Variants in SLC30A9 observed in about 807,000 individuals in gnomAD.
SLC30A9 encodes solute carrier family 30 member 9.
In SLC30A9, 58 loss-of-function variants were observed where a neutral mutation model predicts 87.5. The observed-to-expected ratio is 0.66, with a 90% confidence interval of 0.54 to 0.82. SLC30A9 has a LOEUF of 0.82. Among genes scored for constraint, SLC30A9 ranks in the 40% least tolerant of loss-of-function variants. The probability of loss-of-function intolerance (pLI) is 0.00; values close to 1 mark genes in which losing one functional copy is unlikely to be tolerated. For missense variants in SLC30A9, 557 were observed against 679.1 expected (o/e 0.82, Z 2.00); for synonymous variants, 234 against 233.0 (o/e 1.00, Z -0.04).
intron 6 of SLC30A9, among the ~76,000 whole-genome samples, chr4:42,035,033 G>A (rs1290163361): frequency 6.6e-6 from 1 of 152,118 alleles, no homozygotes; most frequent in Non-Finnish European, 1.5e-5. Context: ...CTGATGATTA[G>A]TGATGTTGAG....
chr4:42,000,663 A>ATT (rs1372733529), intron 1 of SLC30A9, among the ~76,000 whole-genome samples: 8 of 152,128 alleles, frequency 5.3e-5, no homozygotes, highest in African/African-American at 1.4e-4. Flanking sequence ...GTTCCTGATG[A>ATT]ATTCTCTGAG....
intron 15 of SLC30A9, among the ~76,000 whole-genome samples, chr4:42,070,990 G>A (rs1718289453): frequency 6.6e-6 from 1 of 151,932 alleles, no homozygotes; most frequent in Non-Finnish European, 1.5e-5. Context: ...TACTTAATAT[G>A]GAACCTGTAG....
At chr4:42,017,387 T>G (rs200037138) in intron 2 of SLC30A9, among the ~76,000 whole-genome samples, 2 of 133,822 alleles carry the variant, frequency 1.5e-5, no homozygotes, top group African/African-American at 2.5e-5. Flanking sequence ...TTTTTTTTTT[T>G]TATGGGATTA....
intron 17 of SLC30A9, among the ~76,000 whole-genome samples, chr4:42,084,597 G>A (rs1718854845): frequency 1.3e-5 from 2 of 152,016 alleles, no homozygotes; most frequent in South Asian, 4.2e-4. Context: ...TCAGCCTCCC[G>A]AGTAGCTAGG....
At chr4:42,007,428 A>C (rs999831249) in intron 2 of SLC30A9, among the ~76,000 whole-genome samples, 5 of 152,174 alleles carry the variant, frequency 3.3e-5, no homozygotes, top group African/African-American at 9.7e-5. Context: ...TATCCAGTGA[A>C]TCTACTAGTC....
chr4:42,053,419 G>A (rs1364280480), intron 9 of SLC30A9, among the ~76,000 whole-genome samples: 16 of 152,078 alleles, frequency 1.1e-4, no homozygotes, highest in Admixed American at 9.8e-4. Context: ...GGCTGGGCGC[G>A]GTGGCTCACG....
intron 1 of SLC30A9, among the ~76,000 whole-genome samples, chr4:41,993,621 T>G (rs940898931): frequency 6.6e-6 from 1 of 152,186 alleles, no homozygotes; most frequent in Non-Finnish European, 1.5e-5. Context: ...ATTGAGGGTG[T>G]GGGAAAACAG....
rs199595007 is a variant in SLC30A9 at position 42,039,048 on chromosome 4, T to G, written c.732T>G (p.Ile244Met). ...CAGGAAAAGTGGTGATGGTTGCAAT[T>G]TGCATGTAAGTACTGAAAAATAAGC... ...KGPGKVVMVA[I>M]CINGLNCFFK... The change falls in exon 8 of 18, where the codon ATT (isoleucine) becomes ATG (methionine). Residue 244 changes from isoleucine (I) to methionine (M), a missense_variant. By Grantham distance (10) the Ile-to-Met change is conservative (BLOSUM62 1). Around this residue, in one of 2 missense-constraint regions of SLC30A9, gnomAD observed 467 missense variants for 529.8 expected, o/e 0.88. Transcript: ENST00000264451. 6.2e-7 allele frequency: 1 copy of G among 1,608,614 alleles called. No homozygotes were observed. Among genetic ancestry groups the G allele is most frequent in the East Asian group, 2.2e-5 (1 of 44,786 alleles).
At chr4:42,009,377 G>A (rs532611298) in intron 2 of SLC30A9, among the ~76,000 whole-genome samples, 2 of 152,218 alleles carry the variant, frequency 1.3e-5, no homozygotes, top group Non-Finnish European at 2.9e-5. Context: ...CAAATCACAT[G>A]ATAAAGTCAG....
intron 8 of SLC30A9, among the ~76,000 whole-genome samples, chr4:42,041,291 G>GT (rs1373823591): frequency 7.9e-4 from 118 of 148,854 alleles, no homozygotes; most frequent in East Asian, 1.8e-3. Context: ...AGAAGCGTTT[G>GT]TTTTTTTTTT....
At chr4:42,079,682 A>G (rs979795056) in intron 17 of SLC30A9, among the ~76,000 whole-genome samples, 7 of 151,176 alleles carry the variant, frequency 4.6e-5, no homozygotes, top group African/African-American at 1.7e-4. Context: ...ATCTCAGCTC[A>G]CCGCAGCCTC....
intron 10 of SLC30A9, among the ~76,000 whole-genome samples, chr4:42,062,134 C>T (rs1469629655): frequency 1.4e-5 from 2 of 146,052 alleles, no homozygotes; most frequent in Non-Finnish European, 3.0e-5. Context: ...GTGGAGGTTG[C>T]AGTGAGCCAA....
intron 6 of SLC30A9, among the ~76,000 whole-genome samples, chr4:42,024,267 AGGCT>A (rs748681169): frequency 2.7e-4 from 41 of 152,264 alleles, no homozygotes; most frequent in South Asian, 6.2e-4. Flanking sequence ...GCTACTCAGG[AGGCT>A]GAGGTGGGAG....
intron 9 of SLC30A9, among the ~76,000 whole-genome samples, chr4:42,053,010 T>C (rs1717444465): frequency 2.1e-5 from 3 of 139,648 alleles, no homozygotes; most frequent in African/African-American, 7.4e-5. Flanking sequence ...AATTCCACGA[T>C]TCAGTAATAA....
intron 6 of SLC30A9, chr4:42,029,191 T>G (rs1577694740): frequency 1.0e-5 from 4 of 383,632 alleles, no homozygotes; most frequent in South Asian, 8.7e-5. Flanking sequence ...CTGCGGCAGC[T>G]GCTGACCCGC....
chr4:42,014,781 C>T (rs1011651479), intron 2 of SLC30A9, among the ~76,000 whole-genome samples: 7 of 152,048 alleles, frequency 4.6e-5, no homozygotes, highest in African/African-American at 1.7e-4. Flanking sequence ...GAGGTTGTTA[C>T]GTTAAGTGAA....
intron 2 of SLC30A9, among the ~76,000 whole-genome samples, chr4:42,016,392 A>G (rs1430730660): frequency 2.0e-5 from 3 of 152,140 alleles, no homozygotes; most frequent in African/African-American, 7.2e-5. Flanking sequence ...CAAGCTAAGA[A>G]CTTCACTGTC....
At chr4:42,051,645 T>A (rs1370408142) in intron 9 of SLC30A9, among the ~76,000 whole-genome samples, 2 of 152,154 alleles carry the variant, frequency 1.3e-5, no homozygotes, top group East Asian at 3.8e-4. Flanking sequence ...CATTAGACAC[T>A]GCAGGTAAAA....
At chr4:42,062,671 A>C (rs1292149914) in intron 10 of SLC30A9, among the ~76,000 whole-genome samples, 1 of 152,206 alleles carries the variant, frequency 6.6e-6, no homozygotes, top group South Asian at 2.1e-4. Context: ...ATCTGAATGC[A>C]TTTTTTAAAA....
Sources: allele counts gnomAD v4.1 joint callset (sites outside exome capture counted in the v4.1 genomes callset), GRCh38; gene constraint gnomAD v4.1.1; regional missense constraint gnomAD v4.1.1; transcripts MANE v1.5; gene names NCBI Gene and HGNC (gene_info 2026-07-23, HGNC 2026-07-21).